The following CLCN5 variants were observed in gnomAD, a reference collection of about 807,000 sequenced individuals.
CLCN5 encodes H(+)/Cl(-) exchange transporter 5.
Under a neutral mutation model 54.0 loss-of-function variants are expected in CLCN5, and 17 were observed. That is an observed-to-expected ratio of 0.31 (90% CI 0.22 to 0.47). The LOEUF is 0.47. Among genes scored for constraint, CLCN5 ranks in the 20% least tolerant of loss-of-function variants. The pLI is 1.00. For synonymous variants in CLCN5, 222 were observed against 233.0 expected (o/e 0.95, Z 0.43); for missense variants, 448 against 646.7 (o/e 0.69, Z 3.33).
chrX:50,086,995 C>A, intron 11 of CLCN5, 125 bp downstream of exon 11: 1 of 646,255 alleles, frequency 1.5e-6, no homozygotes, highest in Non-Finnish European at 2.4e-6. Context: ...CATTATTCCC[C>A]CACCCCCAAA....
At chrX:49,961,559 G>A (rs782009956) in intron 3 of CLCN5, among the ~76,000 whole-genome samples, 1 of 111,671 alleles carries the variant, frequency 9.0e-6, no homozygotes, top group Non-Finnish European at 1.9e-5. Context: ...CTATAATCGA[G>A]TGCCAGATGC....
At chrX:50,029,011 G>T in intron 3 of CLCN5, among the ~76,000 whole-genome samples, 1 of 111,538 alleles carries the variant, frequency 9.0e-6, no homozygotes, top group Non-Finnish European at 1.9e-5. Context: ...TTGCACTGTG[G>T]TACATGTTGT....
rs1016243969 is a variant in CLCN5, at chrX:49,951,038, C to T, written c.16+25724C>T. 6.3e-5 allele frequency among the ~76,000 whole-genome samples: 7 copies of T among 111,798 alleles called. No individual in the cohort carries two copies. The South Asian group carries it at 2.6e-3, about 42-fold the overall frequency. Reference sequence around the variant, plus strand: ...TACCTTTCCCATAGTCCCCCACTACCCTTCCCATTCTCTGGTAACCACCCT... The same window carrying T: ...TACCTTTCCCATAGTCCCCCACTACTCTTCCCATTCTCTGGTAACCACCCT... On this transcript the variant is annotated intron_variant, in intron 3 of 14. Transcript: ENST00000376091.
At position 50,086,135 on chromosome X, in the gene CLCN5, G is replaced by A. The variant is rs1933877162; in HGVS notation, c.1014+75G>A. 5.5e-6 allele frequency: 5 copies of A among 903,115 alleles called. No individual in the cohort carries two copies. In the Admixed American group the frequency reaches 6.6e-5, roughly 12 times the overall value. The allele number at this position is 903,115 out of a possible 1,213,427, so 74.4% of individuals were successfully genotyped here. On this transcript the variant is annotated intron_variant, in intron 10 of 14. Coordinates refer to ENST00000376091, the MANE Select transcript of CLCN5 (RefSeq NM_001127898.4). ...TTGTACATTGCAGCGCAATAATTTT[G>A]TACATAATGTACAATATCTGTGTAT...
intron 4 of CLCN5, among the ~76,000 whole-genome samples, chrX:50,045,041 C>T (rs1163711343): frequency 1.8e-5 from 2 of 110,710 alleles, no homozygotes; most frequent in African/African-American, 6.6e-5. Context: ...ATGATAAGTA[C>T]TAGGATGGAA....
At chrX:50,085,776 G>A (rs1933861850) in intron 9 of CLCN5, 2 of 447,401 alleles carry the variant, frequency 4.5e-6, no homozygotes, top group Admixed American at 6.8e-5. Context: ...CAAAGGAAAG[G>A]TCCTCTTACC....
Position 50,075,784 on chromosome X carries a change from C to T in CLCN5, c.416-11C>T, listed in dbSNP as rs1602114695. 2.2e-5 allele frequency: 27 copies of T among 1,207,312 alleles called. No homozygotes were observed. The East Asian group carries it at 8.0e-4, about 36-fold the overall frequency. ...TTAACTTTGGCCTTTCCCTCCCTCC[C>T]CACAAATCAGGTTCGTTAGCTGGTT... On this transcript the variant is annotated splice_polypyrimidine_tract_variant and intron_variant, in intron 6 of 14. Transcript: ENST00000376091.
chrX:50,056,632 G>C (rs1210355778), intron 4 of CLCN5, among the ~76,000 whole-genome samples: 1 of 111,740 alleles, frequency 8.9e-6, no homozygotes, highest in East Asian at 2.8e-4. Context: ...TGGTTCCACT[G>C]GTCATGAAAG....
intron 3 of CLCN5, among the ~76,000 whole-genome samples, chrX:49,985,673 A>G (rs1339810289): frequency 5.4e-5 from 6 of 111,593 alleles, no homozygotes; most frequent in African/African-American, 1.9e-4. Flanking sequence ...ATCATTTTAT[A>G]GTGTCCTTGT....
chrX:50,041,855 A>G (rs907541685), intron 3 of CLCN5, among the ~76,000 whole-genome samples: 1 of 112,195 alleles, frequency 8.9e-6, no homozygotes, highest in Non-Finnish European at 1.9e-5. Flanking sequence ...AAAGGTGAAG[A>G]TTACCCAGAT....
chrX:50,057,339 A>AT (rs1932768098), intron 4 of CLCN5, among the ~76,000 whole-genome samples: 2 of 102,772 alleles, frequency 1.9e-5, no homozygotes, highest in South Asian at 1.0e-3. Flanking sequence ...TAAGTGTCCC[A>AT]GGGGTCAAAC....
intron 3 of CLCN5, among the ~76,000 whole-genome samples, chrX:50,034,149 A>G (rs1158024985): frequency 3.6e-5 from 4 of 112,110 alleles, no homozygotes; most frequent in African/African-American, 1.3e-4. Flanking sequence ...ATTTCTCAAA[A>G]TAAAGTAACT....
rs782713378 is a variant in CLCN5, at chrX:50,057,948, G to T, written c.164-11931G>T. Among the ~76,000 whole-genome samples the T allele has an allele frequency of 7.2e-5, 8 of 110,829 alleles. No individual in the cohort carries two copies. The East Asian group carries it at 1.7e-3, about 24-fold the overall frequency. On this transcript the variant is annotated intron_variant, in intron 4 of 14. Coordinates refer to ENST00000376091, the MANE Select transcript of CLCN5 (RefSeq NM_001127898.4). ...TGAACCAGTACAAGAAGGGAAGCAG[G>T]ATGCGGGTATGGAAGTAAGAAGTGG...
chrX:49,927,527 G>A (rs1329369330), intron 3 of CLCN5, among the ~76,000 whole-genome samples: 1 of 112,179 alleles, frequency 8.9e-6, no homozygotes, highest in African/African-American at 3.2e-5. Context: ...AAATGTGTGG[G>A]TCTGAGTTCT....
intron 4 of CLCN5, among the ~76,000 whole-genome samples, chrX:50,065,744 A>G (rs1932986290): frequency 9.4e-6 from 1 of 105,984 alleles, no homozygotes; most frequent in African/African-American, 3.5e-5. Flanking sequence ...TCACAATAGC[A>G]AAGACTTGGA....
chrX:49,973,305 A>T (rs1242606658), intron 3 of CLCN5, among the ~76,000 whole-genome samples: 1 of 111,578 alleles, frequency 9.0e-6, no homozygotes, highest in Non-Finnish European at 1.9e-5. Flanking sequence ...ATTTTTTGCC[A>T]TTTCTCTGTT....
chrX:50,094,326 T>G lies in CLCN5; in HGVS notation c.*2107T>G, dbSNP rs782183097. 1.8e-5 allele frequency: 2 copies of G among 111,844 alleles called. No homozygotes were observed. Among genetic ancestry groups the G allele is most frequent in the Non-Finnish European group, 3.8e-5 (2 of 53,196 alleles). 9.2% of individuals were successfully genotyped at this position (111,844 alleles called of 1,213,427 possible). A position where few individuals can be genotyped will look rare whatever the true frequency, so the allele number is the denominator to read the frequency against. Reference sequence around the variant, plus strand: ...ACATATTTTGTCCTTTCCATGTCACTGATTCCTTCATATGAGACTATTTGG... The same window carrying G: ...ACATATTTTGTCCTTTCCATGTCACGGATTCCTTCATATGAGACTATTTGG... On this transcript the variant is annotated 3_prime_UTR_variant, in exon 15 of 15. Coordinates refer to ENST00000376091, the MANE Select transcript of CLCN5 (RefSeq NM_001127898.4).
At chrX:49,933,019 C>G (rs1177000614) in intron 3 of CLCN5, among the ~76,000 whole-genome samples, 10 of 111,158 alleles carry the variant, frequency 9.0e-5, no homozygotes, top group African/African-American at 2.9e-4. Flanking sequence ...TCTGGGTAGC[C>G]ATGTGGCTTG....
At chrX:50,015,591 A>ATC (rs1220707915) in intron 3 of CLCN5, among the ~76,000 whole-genome samples, 58 of 106,654 alleles carry the variant, frequency 5.4e-4, no homozygotes, top group African/African-American at 7.8e-4. Flanking sequence ...CCGTCTCTCC[A>ATC]TCTCTCTCTC....
Sources: allele counts gnomAD v4.1 joint callset (sites outside exome capture counted in the v4.1 genomes callset), GRCh38; gene constraint gnomAD v4.1.1; transcripts MANE v1.5; gene names NCBI Gene and HGNC (gene_info 2026-07-23, HGNC 2026-07-21).